RGS7: variants seen among roughly 807,000 people sequenced by gnomAD.
The protein encoded by RGS7 is regulator of G-protein signaling 7.
A neutral mutation model predicts 81.1 loss-of-function variants in RGS7; 27 were observed. The ratio of observed to expected loss-of-function variants is 0.33; its 90% CI spans 0.25 to 0.46. The LOEUF is 0.46. RGS7 is among the 20% of genes least tolerant of loss of function. RGS7 has a pLI of 1.00. For missense variants in RGS7, 396 were observed against 607.4 expected (o/e 0.65, Z 3.66); for synonymous variants, 208 against 207.7 (o/e 1.00, Z -0.01).
At chr1:241,031,387 C>T (rs2148729558) in intron 3 of RGS7, among the ~76,000 whole-genome samples, 1 of 152,214 alleles carries the variant, frequency 6.6e-6, no homozygotes, top group African/African-American at 2.4e-5. Flanking sequence ...TTGATAGATG[C>T]TTAGGTTGAT....
At chr1:241,204,875 C>T (rs2073772341) in intron 2 of RGS7, among the ~76,000 whole-genome samples, 1 of 151,994 alleles carries the variant, frequency 6.6e-6, no homozygotes, top group African/African-American at 2.4e-5. Context: ...ATACTTTGGA[C>T]TAATTCATAT....
At chr1:241,318,859 C>A (rs1192249833) in intron 2 of RGS7, among the ~76,000 whole-genome samples, 2 of 152,144 alleles carry the variant, frequency 1.3e-5, no homozygotes, top group Non-Finnish European at 2.9e-5. Flanking sequence ...TAAAGCAATA[C>A]ATATTCGATT....
intron 2 of RGS7, among the ~76,000 whole-genome samples, chr1:241,129,974 T>C (rs1265867407): frequency 6.6e-6 from 1 of 152,210 alleles, no homozygotes; most frequent in Non-Finnish European, 1.5e-5. Flanking sequence ...GAGTGTCTTC[T>C]GAGTATTTTA....
At chr1:240,779,999 ATAAGC>A (rs1226041288) in intron 18 of RGS7, among the ~76,000 whole-genome samples, 1 of 152,228 alleles carries the variant, frequency 6.6e-6, no homozygotes, top group Non-Finnish European at 1.5e-5. Flanking sequence ...ATCCTGGGCA[ATAAGC>A]TAATCAAATG....
At chr1:241,331,326 G>T (rs1040412883) in intron 2 of RGS7, among the ~76,000 whole-genome samples, 1 of 152,102 alleles carries the variant, frequency 6.6e-6, no homozygotes. Flanking sequence ...ATAATATAAT[G>T]ATTGAAAGAA....
intron 9 of RGS7, among the ~76,000 whole-genome samples, chr1:240,838,644 G>GA (rs201581564): frequency 1.3e-5 from 2 of 151,888 alleles, no homozygotes; most frequent in African/African-American, 2.4e-5. Context: ...CAGTGCTAGG[G>GA]AAAAAAAATC....
intron 4 of RGS7, among the ~76,000 whole-genome samples, chr1:240,976,239 C>T (rs749642795): frequency 5.9e-5 from 9 of 152,166 alleles, no homozygotes; most frequent in Non-Finnish European, 1.0e-4. Context: ...AGTTGCTGTG[C>T]CCCCAGAGTG....
chr1:241,013,933 A>C (rs915027167), intron 3 of RGS7, among the ~76,000 whole-genome samples: 30 of 152,246 alleles, frequency 2.0e-4, no homozygotes, highest in African/African-American at 7.2e-4. Context: ...TTTCAGTTTG[A>C]TAATGTAATT....
intron 2 of RGS7, among the ~76,000 whole-genome samples, chr1:241,172,049 A>G (rs1572981182): frequency 6.6e-6 from 1 of 152,222 alleles, no homozygotes; most frequent in South Asian, 2.1e-4. Flanking sequence ...TGTGGAATAG[A>G]AAGGTTAAGT....
chr1:241,165,096 C>A (rs1345144746), intron 2 of RGS7, among the ~76,000 whole-genome samples: 1 of 152,188 alleles, frequency 6.6e-6, no homozygotes, highest in Admixed American at 6.5e-5. Context: ...GCTCTTGACA[C>A]CACAGCATGA....
intron 6 of RGS7, among the ~76,000 whole-genome samples, chr1:240,913,206 A>G (rs1672045822): frequency 6.6e-6 from 1 of 152,258 alleles, no homozygotes; most frequent in Non-Finnish European, 1.5e-5. Context: ...AGAATATTTT[A>G]ATCTCCATGT....
intron 6 of RGS7, among the ~76,000 whole-genome samples, chr1:240,900,003 T>C (rs540908804): frequency 1.3e-5 from 2 of 152,226 alleles, no homozygotes; most frequent in Non-Finnish European, 2.9e-5. Flanking sequence ...CTTTTTTCTC[T>C]AAACTTCTCT....
At chr1:240,968,431 T>C (rs980630387) in intron 4 of RGS7, among the ~76,000 whole-genome samples, 3 of 152,040 alleles carry the variant, frequency 2.0e-5, no homozygotes, top group Non-Finnish European at 2.9e-5. Flanking sequence ...TTCAACATGG[T>C]GCGTATAATG....
At chr1:241,327,036 A>AAGGAAGGGAGGAAGGGAGGGAGGGAGGG (rs1416114110) in intron 2 of RGS7, among the ~76,000 whole-genome samples, 1 of 6,216 alleles carries the variant, frequency 1.6e-4, no homozygotes, top group South Asian at 0.017. Context: ...GGAAGGAAGG[A>AAGGAAGGGAGGAAGGGAGGGAGGGAGGG]AGGGAGGGAG....
At chr1:241,176,143 C>A (rs773353949) in intron 2 of RGS7, among the ~76,000 whole-genome samples, 42 of 152,158 alleles carry the variant, frequency 2.8e-4, no homozygotes, top group Non-Finnish European at 2.1e-4. Context: ...ATGCAGCCTG[C>A]TCCCAGGTCC....
At chr1:241,209,552 G>C (rs2074122945) in intron 2 of RGS7, among the ~76,000 whole-genome samples, 1 of 152,068 alleles carries the variant, frequency 6.6e-6, no homozygotes, top group Admixed American at 6.6e-5. Context: ...CTTATCATTA[G>C]AGGCTGGGCA....
At chr1:241,307,015 AGTATTTGTTCACCTGTTGAAT>A (rs2080216879) in intron 2 of RGS7, among the ~76,000 whole-genome samples, 1 of 152,218 alleles carries the variant, frequency 6.6e-6, no homozygotes, top group Admixed American at 6.5e-5. Flanking sequence ...CAGGCAAATC[AGTATTTGTTCACCTGTTGAAT>A]GTGTTTTGTT....
intron 4 of RGS7, among the ~76,000 whole-genome samples, chr1:240,937,784 C>T (rs1676891212): frequency 6.6e-6 from 1 of 152,104 alleles, no homozygotes. Flanking sequence ...GCATCAAGGA[C>T]CATGTATGCT....
chr1:241,062,199 A>G (rs535653123), intron 3 of RGS7, among the ~76,000 whole-genome samples: 11 of 152,306 alleles, frequency 7.2e-5, no homozygotes, highest in African/African-American at 2.4e-4. Context: ...AGCATTGTGT[A>G]TTCATAAATA....
Sources: gnomAD v4.1 joint callset for allele counts (sites outside exome capture counted in the v4.1 genomes callset) on GRCh38, gnomAD v4.1.1 for gene constraint, MANE v1.5 for transcripts, NCBI Gene and HGNC (gene_info 2026-07-23, HGNC 2026-07-21) for gene names.